Variants in SPATA45 observed in about 807,000 individuals in gnomAD.
The protein encoded by SPATA45 is spermatogenesis-associated protein 45.
SPATA45 carries 5 observed loss-of-function variants against 7.0 expected under a neutral mutation model. The ratio of observed to expected loss-of-function variants is 0.71; its 90% CI spans 0.37 to 1.50. SPATA45 has a LOEUF of 1.50. Ranked by LOEUF, SPATA45 falls within the 40% of genes most tolerant of loss-of-function variation. The pLI is 0.03. For missense variants in SPATA45, 111 were observed against 114.9 expected, an observed-to-expected ratio of 0.97 and a Z score of 0.16; for synonymous variants, 40 against 38.7, an observed-to-expected ratio of 1.03 and a Z score of -0.13.
intron 2 of SPATA45, among the ~76,000 whole-genome samples, chr1:212,831,586 T>C (rs1663488274): frequency 6.6e-6 from 1 of 151,320 alleles, no homozygotes; most frequent in African/African-American, 2.4e-5. Flanking sequence ...ACTGCCCCCC[T>C]TTTGGGCTCC....
chr1:212,842,092 T>G (rs1663697941), intron 1 of SPATA45, among the ~76,000 whole-genome samples: 1 of 151,820 alleles, frequency 6.6e-6, no homozygotes, highest in Non-Finnish European at 1.5e-5. Context: ...AAAAGTCCAT[T>G]TTAGGCTGGG....
At chr1:212,838,302 TAAA>T (rs55837628) in intron 1 of SPATA45, among the ~76,000 whole-genome samples, 28 of 139,388 alleles carry the variant, frequency 2.0e-4, no homozygotes, top group Non-Finnish European at 2.0e-4. Context: ...GGACTTTGTC[TAAA>T]AAAAAAAAAA....
At chr1:212,840,284 C>T (rs1663656537) in intron 1 of SPATA45, among the ~76,000 whole-genome samples, 1 of 144,902 alleles carries the variant, frequency 6.9e-6, no homozygotes, top group African/African-American at 2.4e-5. Context: ...GTGGCGCGCA[C>T]CTGTAATCCC....
chr1:212,843,152 C>T (rs1283773519), intron 1 of SPATA45, among the ~76,000 whole-genome samples: 32 of 139,974 alleles, frequency 2.3e-4, no homozygotes, highest in Admixed American at 1.4e-4. Flanking sequence ...TAGCTGGGCG[C>T]GGTGGCACAT....
chr1:212,838,695 G>A (rs1051686841), intron 1 of SPATA45, among the ~76,000 whole-genome samples: 3 of 151,292 alleles, frequency 2.0e-5, no homozygotes, highest in Admixed American at 6.6e-5. Flanking sequence ...TTTTTACACA[G>A]CTTTATTTTT....
rs190206777 is a variant in SPATA45, at chr1:212,839,566, C to T, written c.-38-3379G>A. The stretch of plus-strand genomic sequence containing the variant: ...CCAGGAGGTGGAGGTTGCAGTGAGC[C>T]GTGATCACAAAACTGCACTCCAGCT... On this transcript the variant is annotated intron_variant, in intron 1 of 2. Coordinates refer to ENST00000332912, the MANE Select transcript of SPATA45 (RefSeq NM_001024601.3). Among the ~76,000 whole-genome samples, 8 of 150,224 alleles carry T rather than the reference C, an allele frequency of 5.3e-5. No homozygotes were observed. In the East Asian group the frequency reaches 1.6e-3, roughly 29 times the overall value.
At chr1:212,839,549 T>G (rs1663643088) in intron 1 of SPATA45, among the ~76,000 whole-genome samples, 1 of 148,824 alleles carries the variant, frequency 6.7e-6, no homozygotes, top group Non-Finnish European at 1.5e-5. Context: ...ACCCAGGAGG[T>G]GGAGGTTGCA....
At chr1:212,838,302 T>TAAA (rs55837628) in intron 1 of SPATA45, among the ~76,000 whole-genome samples, 3 of 139,444 alleles carry the variant, frequency 2.2e-5, no homozygotes, top group African/African-American at 2.6e-5. Context: ...GGACTTTGTC[T>TAAA]AAAAAAAAAA....
At chr1:212,832,062 A>G (rs533670303) in intron 2 of SPATA45, among the ~76,000 whole-genome samples, 8 of 72,840 alleles carry the variant, frequency 1.1e-4, no homozygotes, top group Non-Finnish European at 2.2e-4. Context: ...CTTGTTGCCC[A>G]GGCTGTAGTG....
At chr1:212,833,477 G>A (rs1663525415) in intron 2 of SPATA45, among the ~76,000 whole-genome samples, 1 of 134,446 alleles carries the variant, frequency 7.4e-6, no homozygotes, top group Non-Finnish European at 1.6e-5. Context: ...TGGCCAACAT[G>A]ACGAAACCCC....
Position 212,835,892 on chromosome 1 carries a change from T to C in SPATA45, c.258A>G (p.Arg86=), listed in dbSNP as rs200351870. 8.7e-5 allele frequency: 138 copies of C among 1,593,154 alleles called. 3 individuals carry two copies. The highest frequency in any genetic ancestry group is 1.2e-4 in the Non-Finnish European group (136 of 1,172,886). The part of the protein sequence containing the change: ...IKLSLLAHME[R]KHFPPKNNAI... Reference sequence around the variant, plus strand: ...TCTTACTTTTTGGTGGAAAGTGCTTTCTCTCCATGTGAGCAAGGAGACTCA... The same window carrying C: ...TCTTACTTTTTGGTGGAAAGTGCTTCCTCTCCATGTGAGCAAGGAGACTCA... The change falls in exon 2 of 3, where the codon AGA becomes AGG. Residue 86 remains arginine (R), a synonymous_variant. Coordinates refer to ENST00000332912, the MANE Select transcript of SPATA45 (RefSeq NM_001024601.3).
At chr1:212,845,790 C>T (rs1202862618) in intron 1 of SPATA45, among the ~76,000 whole-genome samples, 7 of 152,330 alleles carry the variant, frequency 4.6e-5, no homozygotes, top group African/African-American at 1.7e-4. Flanking sequence ...TCTAATCCTT[C>T]TTTAACAAAC....
chr1:212,846,998 C>T (rs1473966832), intron 1 of SPATA45, among the ~76,000 whole-genome samples: 2 of 151,858 alleles, frequency 1.3e-5, no homozygotes, highest in African/African-American at 4.8e-5. Flanking sequence ...CTCAGGTGAT[C>T]CCCCCACCTC....
chr1:212,847,484 T>G (rs113552594), intron 1 of SPATA45, 96 bp downstream of exon 1: 6 of 152,290 alleles, frequency 3.9e-5, no homozygotes, highest in African/African-American at 1.4e-4. Flanking sequence ...ATTTAATGTT[T>G]GTGGCAACTT....
At chr1:212,841,157 C>G (rs1663676449) in intron 1 of SPATA45, among the ~76,000 whole-genome samples, 1 of 147,298 alleles carries the variant, frequency 6.8e-6, no homozygotes, top group Non-Finnish European at 1.5e-5. Flanking sequence ...ACCATCTTTC[C>G]TTTTTTTTTC....
rs1424156437 is a variant in SPATA45 at position 212,835,525 on chromosome 1, A to C, written c.277+348T>G. Among the ~76,000 whole-genome samples the C allele has an allele frequency of 1.3e-5, 2 of 150,496 alleles. 1 individual carries two copies. Among genetic ancestry groups the C allele is most frequent in the South Asian group, 4.2e-4 (2 of 4,712 alleles). On this transcript the variant is annotated intron_variant, in intron 2 of 2. Coordinates refer to ENST00000332912, the MANE Select transcript of SPATA45 (RefSeq NM_001024601.3). ...GCAACAAGAGCAAAACTCTGTCTCA[A>C]AAAACAAAAAAAGAATCCTATCATA...
Position 212,832,159 on chromosome 1 carries a change from C to G in SPATA45, c.278-1898G>C, listed in dbSNP as rs533594685. Among the ~76,000 whole-genome samples the G allele has an allele frequency of 3.8e-4, 57 of 150,230 alleles. 3 individuals are homozygous for G. In the Middle Eastern group the frequency reaches 0.02, roughly 54 times the overall value. On this transcript the variant is annotated intron_variant, in intron 2 of 2. Coordinates refer to ENST00000332912, the MANE Select transcript of SPATA45 (RefSeq NM_001024601.3). ...TCAGCCTCCAGAGTAGCTAGGATTACAGGCATGCACCACCATGCCCAGCTA... is the reference window on the plus strand; with the variant it reads ...TCAGCCTCCAGAGTAGCTAGGATTAGAGGCATGCACCACCATGCCCAGCTA...
chr1:212,831,463 ACTCTGC>A (rs1335504582), intron 2 of SPATA45, among the ~76,000 whole-genome samples: 1 of 145,940 alleles, frequency 6.9e-6, no homozygotes, highest in African/African-American at 2.5e-5. Context: ...ACAGAGCAAG[ACTCTGC>A]CTCTAAAAAA....
At chr1:212,846,990 C>CA (rs1371743477) in intron 1 of SPATA45, among the ~76,000 whole-genome samples, 1 of 152,060 alleles carries the variant, frequency 6.6e-6, no homozygotes, top group African/African-American at 2.4e-5. Context: ...CTCCCGGGCT[C>CA]AGGTGATCCC....
Sources: gnomAD v4.1 joint callset for allele counts (sites outside exome capture counted in the v4.1 genomes callset) on GRCh38, gnomAD v4.1.1 for gene constraint, MANE v1.5 for transcripts, NCBI Gene and HGNC (gene_info 2026-07-23, HGNC 2026-07-21) for gene names.